The following ANKRD30BL variants were observed in gnomAD, a reference collection of about 807,000 sequenced individuals.
ANKRD30BL encodes putative ankyrin repeat domain-containing protein 30B-like.
Under a neutral mutation model 18.4 loss-of-function variants are expected in ANKRD30BL, and 20 were observed. That is an observed-to-expected ratio of 1.09 (90% CI 0.77 to 1.58). The LOEUF is 1.58. ANKRD30BL is among the 40% of genes most tolerant of loss of function. ANKRD30BL has a pLI of 0.00. For synonymous variants in ANKRD30BL, 72 were observed against 100.9 expected (o/e 0.71, Z 1.72); for missense variants, 224 against 268.6 (o/e 0.83, Z 1.16).
At chr2:132,203,953 A>G (rs4055992) in intron 1 of ANKRD30BL, among the ~76,000 whole-genome samples, 4,170 of 152,098 alleles carry the variant, frequency 0.027, 119 homozygotes, top group African/African-American at 0.094. Flanking sequence ...TATTGATACC[A>G]ATCATTTTAT....
chr2:132,154,459 AAAG>A (rs1251227601), intron 4 of ANKRD30BL, among the ~76,000 whole-genome samples, 200 bp downstream of exon 4: 1 of 152,194 alleles, frequency 6.6e-6, no homozygotes, highest in Non-Finnish European at 1.5e-5. Flanking sequence ...CAATATAATA[AAAG>A]AAGAAAATCC....
chr2:132,175,636 C>G (rs1688355128), intron 1 of ANKRD30BL, among the ~76,000 whole-genome samples: 4 of 152,206 alleles, frequency 2.6e-5, no homozygotes, highest in Admixed American at 1.3e-4. Context: ...CTTTCTCATC[C>G]CATGAGGCCA....
At chr2:132,233,182 G>T (rs1558730264) in intron 1 of ANKRD30BL, among the ~76,000 whole-genome samples, 1 of 151,680 alleles carries the variant, frequency 6.6e-6, no homozygotes, top group Non-Finnish European at 1.5e-5. Flanking sequence ...GCTCCTGAAG[G>T]AAGCACTAAA....
intron 1 of ANKRD30BL, among the ~76,000 whole-genome samples, chr2:132,253,873 C>T (rs78152127): frequency 3.3e-5 from 5 of 150,972 alleles, no homozygotes; most frequent in South Asian, 2.1e-4. Context: ...GGAGAGCAAG[C>T]GGGCCGGGCC....
chr2:132,227,464 G>C (rs1349948228), intron 1 of ANKRD30BL, among the ~76,000 whole-genome samples: 1 of 151,964 alleles, frequency 6.6e-6, no homozygotes, highest in African/African-American at 2.4e-5. Context: ...CCTTATCATA[G>C]AGTCGTTTTG....
chr2:132,153,628 A>G, intron 4 of ANKRD30BL: 3 of 1,118,070 alleles, frequency 2.7e-6, no homozygotes, highest in Non-Finnish European at 3.8e-6. Flanking sequence ...AGATGTCAAC[A>G]TTTTGCTGAA....
At chr2:132,174,403 C>G (rs1458690023) in intron 1 of ANKRD30BL, among the ~76,000 whole-genome samples, 7 of 152,176 alleles carry the variant, frequency 4.6e-5, no homozygotes, top group Admixed American at 4.6e-4. Flanking sequence ...ATGTGGACAT[C>G]TATAAAATCC....
chr2:132,153,932 C>A (rs1028412913), intron 4 of ANKRD30BL, among the ~76,000 whole-genome samples: 1 of 152,142 alleles, frequency 6.6e-6, no homozygotes, highest in South Asian at 2.1e-4. Flanking sequence ...CAAGAAAATA[C>A]GTTCTGTTCA....
chr2:132,175,319 G>A (rs1332577643), intron 1 of ANKRD30BL, among the ~76,000 whole-genome samples: 41 of 152,004 alleles, frequency 2.7e-4, no homozygotes, highest in Admixed American at 3.9e-4. Flanking sequence ...AGTTCAAGGG[G>A]AGGTACTATG....
chr2:132,221,155 T>A (rs1199245734), intron 1 of ANKRD30BL, among the ~76,000 whole-genome samples: 1 of 141,218 alleles, frequency 7.1e-6, no homozygotes, highest in African/African-American at 3.0e-5. Flanking sequence ...GTGAGGAGCA[T>A]CTCCGCCCGG....
chr2:132,235,327 G>T (rs536205458), intron 1 of ANKRD30BL, among the ~76,000 whole-genome samples: 5 of 152,188 alleles, frequency 3.3e-5, no homozygotes, highest in African/African-American at 1.2e-4. Flanking sequence ...AGGGTTGGAA[G>T]TTCTGACCAG....
At chr2:132,154,880 C>G (rs1687860436) in intron 3 of ANKRD30BL, 112 bp from the exon 4 acceptor site, 1 of 517,962 alleles carries the variant, frequency 1.9e-6, no homozygotes, top group African/African-American at 2.0e-5. Context: ...AAATCAATAG[C>G]AATCCCTTCT....
At chr2:132,223,615 T>A (rs1679759931) in intron 1 of ANKRD30BL, among the ~76,000 whole-genome samples, 1 of 146,380 alleles carries the variant, frequency 6.8e-6, no homozygotes, top group African/African-American at 2.5e-5. Context: ...TTGGAATCGG[T>A]TATATCTTCA....
At chr2:132,235,465 C>A (rs60217054) in intron 1 of ANKRD30BL, among the ~76,000 whole-genome samples, 16,535 of 151,828 alleles carry the variant, frequency 0.11, 2,932 homozygotes, top group African/African-American at 0.38. Context: ...AAATCTCCTT[C>A]AGCTGATAAG....
At chr2:132,222,211 TG>T (rs1256274409) in intron 1 of ANKRD30BL, among the ~76,000 whole-genome samples, 3 of 139,136 alleles carry the variant, frequency 2.2e-5, no homozygotes, top group African/African-American at 5.5e-5. Flanking sequence ...GGGAGGGTGG[TG>T]GGGGGGTCAG....
At chr2:132,204,801 A>G (rs1573838798) in intron 1 of ANKRD30BL, among the ~76,000 whole-genome samples, 1 of 152,202 alleles carries the variant, frequency 6.6e-6, no homozygotes, top group Admixed American at 6.6e-5. Context: ...GCTTTAAAAG[A>G]AATAGATTTA....
chr2:132,196,260 C>T (rs1409751433), intron 1 of ANKRD30BL, among the ~76,000 whole-genome samples: 3 of 151,962 alleles, frequency 2.0e-5, no homozygotes, highest in African/African-American at 4.8e-5. Flanking sequence ...GGGTGGATCA[C>T]CTGAGGTCAG....
At chr2:132,199,071 G>A (rs1376270672) in intron 1 of ANKRD30BL, among the ~76,000 whole-genome samples, 3 of 152,206 alleles carry the variant, frequency 2.0e-5, no homozygotes, top group Non-Finnish European at 4.4e-5. Context: ...ATAGCTAGCA[G>A]CTGGGTGCAG....
intron 1 of ANKRD30BL, among the ~76,000 whole-genome samples, chr2:132,231,929 G>A (rs1268815800): frequency 1.3e-5 from 2 of 152,216 alleles, no homozygotes; most frequent in Admixed American, 6.5e-5. Flanking sequence ...AGACTTAAAT[G>A]TCCCTGTCTG....
Sources: allele counts gnomAD v4.1 joint callset (sites outside exome capture counted in the v4.1 genomes callset), GRCh38; gene constraint gnomAD v4.1.1; transcripts MANE v1.5; gene names NCBI Gene and HGNC (gene_info 2026-07-23, HGNC 2026-07-21).